RPL31: variants seen among roughly 807,000 people sequenced by gnomAD.
RPL31 encodes the protein large ribosomal subunit protein eL31.
For synonymous variants in RPL31, 51 were observed against 55.0 expected (o/e 0.93, Z 0.32); for missense variants, 95 against 164.0 (o/e 0.58, Z 2.30).
chr2:101,012,930 A>G (rs1679338964), intron 4 of RPL31, among the ~76,000 whole-genome samples: 2 of 152,244 alleles, frequency 1.3e-5, no homozygotes, highest in Admixed American at 1.3e-4. Context: ...AATCCACTCA[A>G]ACTGAACAGG....
Position 101,006,395 on chromosome 2 carries a change from G to T in RPL31, c.*14G>T, listed in dbSNP as rs750487780. 1.9e-6 allele frequency: 3 copies of T among 1,608,192 alleles called. No homozygotes were observed. Among genetic ancestry groups the T allele is most frequent in the Non-Finnish European group, 2.5e-6 (3 of 1,178,450 alleles). On this transcript the variant is annotated 3_prime_UTR_variant, in exon 5 of 5. Transcript: ENST00000264258. ...GATGAGAACTAATCGCTGATCGTCA[G>T]ATCAAATAAAGTTATAAAATTGCCT...
intron 3 of RPL31, 39 bp from the exon 4 acceptor site, chr2:101,005,917 AAGG>A: frequency 6.5e-7 from 1 of 1,542,968 alleles, no homozygotes; most frequent in Non-Finnish European, 8.9e-7. Context: ...GCTTGGTTGA[AAGG>A]AGGCATTGAC....
chr2:101,011,251 T>C (rs1679184862), downstream of RPL31: 1 of 675,732 alleles, frequency 1.5e-6, no homozygotes, highest in African/African-American at 2.4e-5. Flanking sequence ...AGGAACTTGG[T>C]GGTGGGGGCA....
At chr2:101,017,074 TAAAAA>T (rs376317331) in intron 4 of RPL31, among the ~76,000 whole-genome samples, 5 of 133,020 alleles carry the variant, frequency 3.8e-5, no homozygotes, top group Non-Finnish European at 6.6e-5. Context: ...TTAAAAGTAT[TAAAAA>T]AAAAAAAAAA....
rs1678579575 is a variant in RPL31 at position 101,002,533 on chromosome 2, TC to T, written c.1-168del. The T allele has an allele frequency of 1.6e-5, 10 of 629,752 alleles. No homozygotes were observed. The East Asian group carries it at 2.7e-4, about 17-fold the overall frequency. 39.0% of individuals were successfully genotyped at this position (629,752 alleles called of 1,614,324 possible). Reference sequence around the variant, plus strand: ...GGCAGGGATTTCCGGGTCGGAGGCATCTGAGGGGCGCAGGGGCGCGGGTGCG... The same window carrying T: ...GGCAGGGATTTCCGGGTCGGAGGCATTGAGGGGCGCAGGGGCGCGGGTGCG... On this transcript the variant is annotated intron_variant, in intron 1 of 4. Transcript: ENST00000264258.
chr2:101,012,734 G>T (rs1558617613), intron 4 of RPL31, among the ~76,000 whole-genome samples: 1 of 152,154 alleles, frequency 6.6e-6, no homozygotes, highest in African/African-American at 2.4e-5. Context: ...GGGGATGACA[G>T]GGAAGGTTCC....
intron 4 of RPL31, among the ~76,000 whole-genome samples, chr2:101,013,610 G>A (rs1278292430): frequency 2.0e-5 from 3 of 152,184 alleles, no homozygotes; most frequent in Non-Finnish European, 1.5e-5. Flanking sequence ...GATACCACCA[G>A]CAGGAAGGTC....
chr2:101,019,186 C>T (rs942621197), exon 5 of RPL31: 8 of 1,087,286 alleles, frequency 7.4e-6, no homozygotes, highest in South Asian at 3.3e-5. Context: ...TCTACACGGC[C>T]GGGGTTTCAA....
chr2:101,014,604 C>T (rs1412858681), intron 4 of RPL31, among the ~76,000 whole-genome samples: 2 of 152,228 alleles, frequency 1.3e-5, no homozygotes, highest in Admixed American at 1.3e-4. Flanking sequence ...TTCCATTTCA[C>T]CTGGTGAGCC....
chr2:101,012,990 G>C (rs763560439), intron 4 of RPL31, among the ~76,000 whole-genome samples: 24 of 152,204 alleles, frequency 1.6e-4, no homozygotes, highest in Non-Finnish European at 3.1e-4. Context: ...GGATGGAAAT[G>C]GATTTCCCAG....
intron 1 of RPL31, 167 bp downstream of exon 1, chr2:101,002,482 G>A (rs1678577329): frequency 1.7e-6 from 1 of 589,158 alleles, no homozygotes. Flanking sequence ...GAGGAAGAAA[G>A]TGACCAGGCT....
At chr2:101,010,584 G>GA (rs1679127453), downstream of RPL31, among the ~76,000 whole-genome samples, 2 of 152,066 alleles carry the variant, frequency 1.3e-5, no homozygotes, top group Middle Eastern at 6.8e-3. Flanking sequence ...TTAATCATCT[G>GA]AAAAAACAGT....
chr2:101,012,492 A>G (rs1462404097), intron 4 of RPL31, among the ~76,000 whole-genome samples: 1 of 152,220 alleles, frequency 6.6e-6, no homozygotes, highest in Non-Finnish European at 1.5e-5. Flanking sequence ...GCAAATCTAC[A>G]GAAACAGAAA....
At chr2:101,017,946 T>C in intron 4 of RPL31, 1 of 1,550,016 alleles carries the variant, frequency 6.5e-7, no homozygotes, top group Non-Finnish European at 8.7e-7. Context: ...CATTTTCTTC[T>C]CTACTTGGTG....
chr2:101,007,513 C>T (rs541254489), downstream of RPL31: 3 of 331,254 alleles, frequency 9.1e-6, no homozygotes, highest in Admixed American at 9.2e-5. Context: ...TAGTATGAGA[C>T]ATTGTGTTCA....
At chr2:101,013,952 G>A (rs1045537427) in intron 4 of RPL31, among the ~76,000 whole-genome samples, 5 of 152,318 alleles carry the variant, frequency 3.3e-5, no homozygotes, top group Admixed American at 2.0e-4. Flanking sequence ...GAGGCCCTGC[G>A]CTTGGATTAA....
intron 2 of RPL31, among the ~76,000 whole-genome samples, chr2:101,003,433 A>G (rs1678613841): frequency 6.6e-6 from 1 of 151,988 alleles, no homozygotes; most frequent in South Asian, 2.1e-4. Flanking sequence ...GGACCCCGCC[A>G]CCACACCTGG....
intron 4 of RPL31, among the ~76,000 whole-genome samples, chr2:101,017,304 AAAT>A (rs1416704684): frequency 6.6e-6 from 1 of 152,184 alleles, no homozygotes; most frequent in East Asian, 1.9e-4. Context: ...ATGCATGCTA[AAAT>A]AATGATAAAT....
intron 4 of RPL31, among the ~76,000 whole-genome samples, chr2:101,014,895 G>A (rs909121615): frequency 5.3e-4 from 80 of 152,268 alleles, no homozygotes; most frequent in African/African-American, 1.9e-3. Context: ...TCCTACTGAT[G>A]TTAATTTTAA....
Sources: gnomAD v4.1 joint callset for allele counts (sites outside exome capture counted in the v4.1 genomes callset) on GRCh38, gnomAD v4.1.1 for gene constraint, MANE v1.5 for transcripts, NCBI Gene and HGNC (gene_info 2026-07-23, HGNC 2026-07-21) for gene names.